MAGI2: variants seen among roughly 807,000 people sequenced by gnomAD.
The protein encoded by MAGI2 is membrane associated guanylate kinase, WW and PDZ domain containing 2.
Under a neutral mutation model 133.3 loss-of-function variants are expected in MAGI2, and 35 were observed. That is an observed-to-expected ratio of 0.26 (90% confidence interval 0.20 to 0.35). The LOEUF is 0.35. Among genes scored for constraint, MAGI2 ranks in the 10% least tolerant of loss-of-function variants. The pLI is 1.00. For synonymous variants in MAGI2, 729 were observed against 710.6 expected (o/e 1.03, Z -0.41); for missense variants, 1,636 against 1,863.4 (o/e 0.88, Z 2.25).
At chr7:78,227,336 C>T (rs1027322711) in intron 10 of MAGI2, among the ~76,000 whole-genome samples, 3 of 152,146 alleles carry the variant, frequency 2.0e-5, no homozygotes, top group East Asian at 1.9e-4. Context: ...AAGGCCCTAC[C>T]GGAGGATCTG....
chr7:78,578,099 T>A (rs1262016953), intron 3 of MAGI2, among the ~76,000 whole-genome samples: 2 of 151,972 alleles, frequency 1.3e-5, no homozygotes, highest in African/African-American at 4.8e-5. Flanking sequence ...GTTTTCACTT[T>A]AAGTAGGGAA....
intron 4 of MAGI2, among the ~76,000 whole-genome samples, chr7:78,506,619 G>C (rs761825900): frequency 3.9e-5 from 6 of 152,186 alleles, no homozygotes; most frequent in Non-Finnish European, 5.9e-5. Context: ...GCCAAGCAAA[G>C]GGTGTTGAAG....
chr7:78,246,477 A>T (rs1791795727), intron 10 of MAGI2, among the ~76,000 whole-genome samples: 1 of 152,062 alleles, frequency 6.6e-6, no homozygotes, highest in African/African-American at 2.4e-5. Flanking sequence ...GGGCTGAGAC[A>T]CCCTGGCCCG....
chr7:79,130,928 C>T (rs1450143649), intron 1 of MAGI2, among the ~76,000 whole-genome samples: 5 of 147,884 alleles, frequency 3.4e-5, no homozygotes, highest in African/African-American at 1.0e-4. Context: ...TTCATTCATT[C>T]ATTCATTTAT....
At chr7:79,122,471 A>G (rs183199736) in intron 1 of MAGI2, among the ~76,000 whole-genome samples, 1 of 152,304 alleles carries the variant, frequency 6.6e-6, no homozygotes, top group African/African-American at 2.4e-5. Flanking sequence ...AAATGTATTA[A>G]AAAGGAAATG....
At chr7:78,581,653 G>C (rs1267408591) in intron 3 of MAGI2, among the ~76,000 whole-genome samples, 1 of 152,132 alleles carries the variant, frequency 6.6e-6, no homozygotes, top group African/African-American at 2.4e-5. Flanking sequence ...CTCATTGCTA[G>C]GATTATCATT....
intron 6 of MAGI2, among the ~76,000 whole-genome samples, chr7:78,470,451 G>A (rs776376030): frequency 5.3e-5 from 8 of 152,034 alleles, no homozygotes. Context: ...ATTTAGTGGT[G>A]GGGATTATGA....
At chr7:79,188,032 G>A (rs1585154486) in intron 1 of MAGI2, among the ~76,000 whole-genome samples, 2 of 151,884 alleles carry the variant, frequency 1.3e-5, no homozygotes, top group African/African-American at 4.8e-5. Context: ...TGGATTGAGT[G>A]CACAAGACAT....
intron 1 of MAGI2, among the ~76,000 whole-genome samples, chr7:79,156,445 T>C (rs1198291726): frequency 1.3e-5 from 2 of 152,148 alleles, no homozygotes; most frequent in Non-Finnish European, 2.9e-5. Context: ...TGTCACCTAT[T>C]GTCTCTAAGG....
At chr7:79,353,452 C>T (rs990358951) in intron 1 of MAGI2, 8 of 456,008 alleles carry the variant, frequency 1.8e-5, no homozygotes, top group East Asian at 1.4e-4. Flanking sequence ...CATTTTGGAA[C>T]CCCAGGACAA....
intron 1 of MAGI2, among the ~76,000 whole-genome samples, chr7:79,234,312 T>G (rs1243218779): frequency 1.3e-5 from 2 of 150,936 alleles, no homozygotes; most frequent in Non-Finnish European, 2.9e-5. Flanking sequence ...TGTGGCGTTC[T>G]CTGTATTTCC....
chr7:78,912,212 A>G (rs912859671), intron 2 of MAGI2, among the ~76,000 whole-genome samples: 1 of 152,104 alleles, frequency 6.6e-6, no homozygotes, highest in Admixed American at 6.6e-5. Flanking sequence ...CCTTGACCCT[A>G]TACAGTTCAT....
chr7:78,581,208 G>A (rs559880408), intron 3 of MAGI2, among the ~76,000 whole-genome samples: 1 of 152,226 alleles, frequency 6.6e-6, no homozygotes, highest in South Asian at 2.1e-4. Flanking sequence ...CTTGGGGGAG[G>A]GAGGATATGT....
At chr7:78,979,159 T>C (rs747818523) in intron 2 of MAGI2, among the ~76,000 whole-genome samples, 1 of 151,856 alleles carries the variant, frequency 6.6e-6, no homozygotes, top group Non-Finnish European at 1.5e-5. Context: ...TGCTCTGTTA[T>C]GTAACAGGCT....
intron 1 of MAGI2, among the ~76,000 whole-genome samples, chr7:79,053,162 A>C (rs540490491): frequency 2.4e-4 from 37 of 152,140 alleles, no homozygotes; most frequent in African/African-American, 8.9e-4. Flanking sequence ...TTTAGTAGAG[A>C]TGGGGTTTCA....
intron 10 of MAGI2, among the ~76,000 whole-genome samples, chr7:78,211,132 G>C (rs925294523): frequency 2.6e-5 from 4 of 152,168 alleles, no homozygotes; most frequent in African/African-American, 9.7e-5. Context: ...ACAAGAGAGG[G>C]TGTGATCTAG....
intron 9 of MAGI2, among the ~76,000 whole-genome samples, chr7:78,277,659 G>A (rs1440440791): frequency 6.6e-6 from 1 of 152,150 alleles, no homozygotes; most frequent in Admixed American, 6.5e-5. Context: ...AATGGTGTCT[G>A]AAGAAGGGCT....
In MAGI2 at chr7:79,228,968, G is replaced by T. The variant is rs565275416; in HGVS notation, c.302-221762C>A. ...GTCTCTATTTAAAAGCCTTGGCAATGAATGCGAATTTTATTAGCCCATGTG... is the reference window on the plus strand; with the variant it reads ...GTCTCTATTTAAAAGCCTTGGCAATTAATGCGAATTTTATTAGCCCATGTG... On this transcript the variant is annotated intron_variant, in intron 1 of 21. Coordinates refer to ENST00000354212, the MANE Select transcript of MAGI2 (RefSeq NM_012301.4). Among the ~76,000 whole-genome samples, 40 of 152,262 alleles carry T rather than the reference G, an allele frequency of 2.6e-4. 1 individual carries two copies. In the South Asian group the frequency reaches 8.3e-3, roughly 32 times the overall value.
intron 2 of MAGI2, among the ~76,000 whole-genome samples, chr7:78,664,063 T>A (rs10229284): frequency 6.6e-5 from 10 of 152,184 alleles, no homozygotes; most frequent in African/African-American, 2.2e-4. Flanking sequence ...CTGTAGCAAC[T>A]GGAGAACAAA....
Sources: gnomAD v4.1 joint callset for allele counts (sites outside exome capture counted in the v4.1 genomes callset) on GRCh38, gnomAD v4.1.1 for gene constraint, MANE v1.5 for transcripts, NCBI Gene and HGNC (gene_info 2026-07-23, HGNC 2026-07-21) for gene names.